The following UGGT2 variants were observed in gnomAD, a reference collection of about 807,000 sequenced individuals.
UGGT2 encodes UDP-glucose:glycoprotein glucosyltransferase 2.
A neutral mutation model predicts 192.1 loss-of-function variants in UGGT2; 180 were observed. The ratio of observed to expected loss-of-function variants is 0.94; its 90% CI spans 0.83 to 1.06. The LOEUF (loss-of-function observed/expected upper bound fraction) is 1.06. UGGT2 is among the 50% of genes least tolerant of loss of function. The probability of loss-of-function intolerance (pLI) is 0.00; values close to 1 mark genes in which losing one functional copy is unlikely to be tolerated. For synonymous variants in UGGT2, 580 were observed against 591.0 expected (o/e 0.98, Z 0.27); for missense variants, 1,849 against 1,795.7 (o/e 1.03, Z -0.54).
chr13:95,948,773 A>G (rs1415270016), intron 13 of UGGT2, among the ~76,000 whole-genome samples: 1 of 152,246 alleles, frequency 6.6e-6, no homozygotes, highest in Non-Finnish European at 1.5e-5. Context: ...CATAAGGGCT[A>G]AAGAGTAAGA....
chr13:95,939,555 T>C (rs919427882), intron 16 of UGGT2, among the ~76,000 whole-genome samples: 27 of 150,566 alleles, frequency 1.8e-4, no homozygotes, highest in Admixed American at 1.1e-3. Context: ...AAATGACAAG[T>C]AAAAAATATA....
chr13:95,899,856 C>T (rs2048051678), intron 22 of UGGT2, among the ~76,000 whole-genome samples: 1 of 152,038 alleles, frequency 6.6e-6, no homozygotes, highest in Admixed American at 6.6e-5. Context: ...TAAAATAGCA[C>T]TGTACATAGA....
chr13:95,933,911 C>G (rs1354943812), intron 17 of UGGT2, among the ~76,000 whole-genome samples: 2 of 152,072 alleles, frequency 1.3e-5, no homozygotes, highest in Non-Finnish European at 2.9e-5. Context: ...GTCTCGATCT[C>G]CTGACCTCGT....
At position 95,948,037 on chromosome 13, in the gene UGGT2, T is replaced by G; in HGVS notation, c.1500A>C (p.Ile500=). ...DPAQEYTLDF[I]KLADVFYSHE... is the part of the protein sequence containing the mutation. ...GAGAATAGAAAACATCAGCAAGTTT[T>G]ATAAAATCCAAGGTATATTCTTGGG... is the stretch of plus-strand genomic sequence containing the variant. Residue 500 remains isoleucine, a synonymous_variant, in exon 14 of 39, where the codon ATA becomes ATC. Transcript: ENST00000376747. 6.2e-7 allele frequency: 1 copy of G among 1,613,326 alleles called. No homozygotes were observed. The highest frequency in any genetic ancestry group is 1.1e-5 in the South Asian group (1 of 91,030).
chr13:95,939,423 T>C (rs2049584250), intron 16 of UGGT2, among the ~76,000 whole-genome samples: 1 of 151,944 alleles, frequency 6.6e-6, no homozygotes, highest in Admixed American at 6.6e-5. Context: ...CATTAATTTT[T>C]GGAATTTCTT....
chr13:95,919,542 C>T (rs569381480), intron 20 of UGGT2, among the ~76,000 whole-genome samples: 1 of 152,226 alleles, frequency 6.6e-6, no homozygotes, highest in East Asian at 1.9e-4. Flanking sequence ...AATCAATGTG[C>T]AAAAATCTCT....
Position 95,853,552 on chromosome 13 carries a change from G to C in UGGT2, c.4275C>G (p.Asn1425Lys), listed in dbSNP as rs1489234446. The stretch of plus-strand genomic sequence containing the variant: ...TTAACATTTTACTTACCTGATCTAG[G>C]TTTGAAAGACTGTTTGGATCTTGAC... Reference protein sequence around the residue: ...ALSQDPNSLSNLDQDLPNNMI... With the variant: ...ALSQDPNSLSKLDQDLPNNMI... The change falls in exon 36 of 39, where the codon AAC becomes AAG. Residue 1425 changes from asparagine to lysine, a missense_variant. Asn to Lys is a moderately conservative substitution (Grantham distance 94). Coordinates refer to ENST00000376747, the MANE Select transcript of UGGT2 (RefSeq NM_020121.4). The C allele has an allele frequency of 6.2e-7, 1 of 1,613,024 alleles. No homozygotes were observed. The highest frequency in any genetic ancestry group is 2.2e-5 in the East Asian group (1 of 44,794).
chr13:95,809,542 T>C (rs547404840), intron 38 of UGGT2: 1 of 342,924 alleles, frequency 2.9e-6, no homozygotes, highest in East Asian at 8.2e-5. Context: ...AGCTGACAAG[T>C]GTGCAGATCT....
At chr13:96,027,144 G>A (rs538713294) in intron 2 of UGGT2, among the ~76,000 whole-genome samples, 1 of 152,158 alleles carries the variant, frequency 6.6e-6, no homozygotes, top group Admixed American at 6.5e-5. Context: ...TAGTTACAAG[G>A]TCAGCAAGAA....
chr13:95,827,305 T>C (rs976578736), intron 38 of UGGT2, among the ~76,000 whole-genome samples: 1 of 152,170 alleles, frequency 6.6e-6, no homozygotes, highest in African/African-American at 2.4e-5. Context: ...AATGTATCCT[T>C]ATTTGGAGGC....
chr13:95,805,536 G>A (rs954158700), intron 38 of UGGT2, among the ~76,000 whole-genome samples: 4 of 152,264 alleles, frequency 2.6e-5, no homozygotes, highest in East Asian at 1.9e-4. Flanking sequence ...AATGTCCATC[G>A]ATGGATGAAT....
At chr13:95,813,787 G>A (rs1884687277) in intron 38 of UGGT2, among the ~76,000 whole-genome samples, 1 of 152,158 alleles carries the variant, frequency 6.6e-6, no homozygotes, top group South Asian at 2.1e-4. Flanking sequence ...AGACCTAGAA[G>A]GGAAGAATGG....
chr13:95,983,502 A>G, intron 10 of UGGT2: 1 of 463,270 alleles, frequency 2.2e-6, no homozygotes, highest in East Asian at 6.2e-5. Flanking sequence ...TTTTAAGCAA[A>G]ACTAATTACA....
chr13:95,892,183 C>T (rs1295013538), intron 24 of UGGT2, among the ~76,000 whole-genome samples: 7 of 152,082 alleles, frequency 4.6e-5, no homozygotes, highest in African/African-American at 7.2e-5. Flanking sequence ...CACCTGTTTA[C>T]TGCTGCTTTT....
chr13:95,888,866 T>C (rs1309275875), intron 25 of UGGT2, among the ~76,000 whole-genome samples: 1 of 152,132 alleles, frequency 6.6e-6, no homozygotes, highest in Non-Finnish European at 1.5e-5. Flanking sequence ...AAGGCTAGAC[T>C]GCAGTGGTGT....
chr13:95,844,604 C>T (rs3099363), intron 36 of UGGT2, among the ~76,000 whole-genome samples: 127,694 of 152,136 alleles, frequency 0.84, 53,900 homozygotes, highest in East Asian at 0.93. Flanking sequence ...TGCTAGTATA[C>T]AGAATTGGAT....
At chr13:95,902,514 T>C (rs2048133943) in intron 21 of UGGT2, among the ~76,000 whole-genome samples, 1 of 150,462 alleles carries the variant, frequency 6.6e-6, no homozygotes, top group Admixed American at 6.6e-5. Context: ...AAGAGGATCA[T>C]CGTTGAAACC....
chr13:95,924,393 CTTTTTTTTTTTTTTTTTTTT>C (rs59757283), intron 20 of UGGT2, among the ~76,000 whole-genome samples: 1 of 63,320 alleles, frequency 1.6e-5, no homozygotes, highest in East Asian at 5.5e-4. Flanking sequence ...TCCCAAACAG[CTTTTTTTTTTTTTTTTTTTT>C]TTTTTTTTTT....
At chr13:95,882,455 C>T (rs2047522293) in intron 27 of UGGT2, among the ~76,000 whole-genome samples, 1 of 152,154 alleles carries the variant, frequency 6.6e-6, no homozygotes, top group Non-Finnish European at 1.5e-5. Flanking sequence ...TACTTTTCCC[C>T]TTTATCTAAA....
Sources: allele counts gnomAD v4.1 joint callset (sites outside exome capture counted in the v4.1 genomes callset), GRCh38; gene constraint gnomAD v4.1.1; transcripts MANE v1.5; gene names NCBI Gene and HGNC (gene_info 2026-07-23, HGNC 2026-07-21).